LRRIQ3: variants seen among roughly 807,000 people sequenced by gnomAD.
The protein encoded by LRRIQ3 is leucine-rich repeat and IQ domain-containing protein 3.
LRRIQ3 carries 75 observed loss-of-function variants against 59.3 expected under a neutral mutation model. The ratio of observed to expected loss-of-function variants is 1.26; its 90% CI spans 1.05 to 1.53. The LOEUF (loss-of-function observed/expected upper bound fraction) is 1.53. LRRIQ3 is among the 40% of genes most tolerant of loss of function. LRRIQ3 has a pLI of 0.00. For synonymous variants in LRRIQ3, 250 were observed against 231.3 expected, an observed-to-expected ratio of 1.08 and a Z score of -0.73; for missense variants, 831 against 710.0, an observed-to-expected ratio of 1.17 and a Z score of -1.94.
intron 4 of LRRIQ3, among the ~76,000 whole-genome samples, chr1:74,111,319 G>GTC (rs1339752399): frequency 6.6e-6 from 1 of 151,898 alleles, no homozygotes; most frequent in Non-Finnish European, 1.5e-5. Context: ...ACATAGTCTG[G>GTC]TCTGGGATAA....
chr1:74,027,409 A>G (rs1330492634), intron 7 of LRRIQ3, among the ~76,000 whole-genome samples: 1 of 152,096 alleles, frequency 6.6e-6, no homozygotes, highest in Non-Finnish European at 1.5e-5. Flanking sequence ...ATGACATTAT[A>G]TGGGTAGGTC....
intron 1 of LRRIQ3, 125 bp from the exon 2 acceptor site, chr1:74,183,809 A>C: frequency 1.3e-6 from 1 of 743,664 alleles, no homozygotes; most frequent in Middle Eastern, 3.7e-4. Context: ...ATTTAAAAAA[A>C]CTCATTCTTA....
chr1:74,114,776 T>C (rs1042315001), intron 4 of LRRIQ3, among the ~76,000 whole-genome samples: 3 of 148,104 alleles, frequency 2.0e-5, no homozygotes, highest in Admixed American at 6.7e-5. Flanking sequence ...ACTAAAAACA[T>C]ACAATTAAAA....
chr1:74,193,468 C>T (rs992519297), intron 1 of LRRIQ3, among the ~76,000 whole-genome samples: 1 of 151,988 alleles, frequency 6.6e-6, no homozygotes, highest in Non-Finnish European at 1.5e-5. Flanking sequence ...ATCTTCACAC[C>T]CAACTTTGAT....
intron 4 of LRRIQ3, among the ~76,000 whole-genome samples, chr1:74,121,066 A>T (rs916275340): frequency 1.3e-5 from 2 of 152,282 alleles, no homozygotes; most frequent in Middle Eastern, 3.4e-3. Flanking sequence ...TATTTAAAAA[A>T]CTTTTCCTAT....
intron 4 of LRRIQ3, among the ~76,000 whole-genome samples, chr1:74,112,424 G>T (rs981818891): frequency 2.0e-5 from 3 of 152,076 alleles, no homozygotes; most frequent in Non-Finnish European, 2.9e-5. Flanking sequence ...GTTTTCCAGA[G>T]AAAAACAGGA....
At chr1:74,197,350 T>A (rs1651250740) in intron 1 of LRRIQ3, among the ~76,000 whole-genome samples, 1 of 152,180 alleles carries the variant, frequency 6.6e-6, no homozygotes, top group Non-Finnish European at 1.5e-5. Flanking sequence ...ATTTCTTAAA[T>A]CTTTTATTAC....
chr1:74,150,030 G>C (rs1004260547), intron 4 of LRRIQ3, among the ~76,000 whole-genome samples: 8 of 152,220 alleles, frequency 5.3e-5, no homozygotes, highest in African/African-American at 1.9e-4. Flanking sequence ...TGTAGGAAAA[G>C]AGAAATGCAG....
At chr1:74,098,974 C>T (rs920318981) in intron 5 of LRRIQ3, among the ~76,000 whole-genome samples, 7 of 152,004 alleles carry the variant, frequency 4.6e-5, no homozygotes, top group East Asian at 1.9e-4. Context: ...AATTGACACC[C>T]GAACATCACA....
At chr1:74,185,652 T>C (rs898513316) in intron 1 of LRRIQ3, among the ~76,000 whole-genome samples, 9 of 152,150 alleles carry the variant, frequency 5.9e-5, no homozygotes, top group African/African-American at 2.2e-4. Context: ...GCATAAAAAG[T>C]CCTTGAAAGG....
rs77668274 is a variant in LRRIQ3 at position 74,150,664 on chromosome 1, T to A, written c.707+5069A>T. On this transcript the variant is annotated intron_variant, in intron 4 of 7. Coordinates refer to ENST00000354431, the MANE Select transcript of LRRIQ3 (RefSeq NM_001105659.2). ...TTAACATTACCTGCAAAAAGAAATT[T>A]GCAACCATACAATCAGACAATCAGA... 1.9e-3 allele frequency among the ~76,000 whole-genome samples: 287 copies of A among 152,264 alleles called. 6 individuals are homozygous for A. The East Asian group carries it at 0.04, about 21-fold the overall frequency.
Position 74,182,652 on chromosome 1 carries a change from C to G in LRRIQ3, c.459G>C (p.Ala153=). 1 of 1,611,364 alleles carries G rather than the reference C, an allele frequency of 6.2e-7. No homozygotes were observed. The highest frequency in any genetic ancestry group is 2.2e-5 in the East Asian group (1 of 44,716). The part of the protein sequence containing the change: ...VLVNSIWPLK[A]LDHHVISDEE... ...CATCAGAAATCACATGATGATCCAG[C>G]GCTTTGAGAGGCCATATACTGTTAA... The change falls in exon 3 of 8, where the codon GCG becomes GCC. Residue 153 remains alanine (A), a synonymous_variant. Transcript: ENST00000354431.
intron 4 of LRRIQ3, among the ~76,000 whole-genome samples, chr1:74,125,027 T>A (rs901524078): frequency 1.3e-5 from 2 of 151,994 alleles, no homozygotes; most frequent in Non-Finnish European, 1.5e-5. Flanking sequence ...TCCTCTTCAA[T>A]TTCTTTCATC....
At chr1:74,101,133 A>G (rs1341722482) in intron 5 of LRRIQ3, among the ~76,000 whole-genome samples, 1 of 152,012 alleles carries the variant, frequency 6.6e-6, no homozygotes, top group Non-Finnish European at 1.5e-5. Context: ...TCTACAGAAC[A>G]GGAGAACATT....
intron 4 of LRRIQ3, among the ~76,000 whole-genome samples, chr1:74,152,008 GAAGA>G (rs1648019555): frequency 6.6e-6 from 1 of 151,940 alleles, no homozygotes; most frequent in African/African-American, 2.4e-5. Context: ...ATTATAATAA[GAAGA>G]AAGTAAAGAG....
At chr1:74,131,188 C>A (rs1009604416) in intron 4 of LRRIQ3, among the ~76,000 whole-genome samples, 1 of 152,018 alleles carries the variant, frequency 6.6e-6, no homozygotes, top group Non-Finnish European at 1.5e-5. Flanking sequence ...GAAGCTGAAT[C>A]CCTGAATAGA....
rs765391855 is a variant in LRRIQ3 at position 74,041,916 on chromosome 1, C to T, written c.1015G>A (p.Glu339Lys). The T allele has an allele frequency of 1.4e-5, 22 of 1,603,482 alleles. No individual in the cohort carries two copies. The highest frequency in any genetic ancestry group is 1.9e-5 in the Non-Finnish European group (22 of 1,174,928). Residue 339 changes from glutamate (E) to lysine (K), a missense_variant, in exon 7 of 8, where the codon GAA (glutamate) becomes AAA (lysine). Coordinates refer to ENST00000354431, the MANE Select transcript of LRRIQ3 (RefSeq NM_001105659.2). ...LIQKGQESED[E>K]IVDEKLDTSF... is the part of the protein sequence containing the mutation. ...GTATCCAATTTTTCATCCACAATTT[C>T]ATCTTCAGACTCCTGACCTACATCA...
intron 5 of LRRIQ3, among the ~76,000 whole-genome samples, chr1:74,080,079 A>C (rs1180013819): frequency 6.6e-6 from 1 of 151,784 alleles, no homozygotes; most frequent in Non-Finnish European, 1.5e-5. Context: ...CACACACACA[A>C]AAAGCATAAA....
chr1:74,135,381 T>C (rs1304671657), intron 4 of LRRIQ3, among the ~76,000 whole-genome samples: 1 of 151,904 alleles, frequency 6.6e-6, no homozygotes, highest in Non-Finnish European at 1.5e-5. Context: ...TAGCAAATTA[T>C]AGGAACTCTA....
Sources: gnomAD v4.1 joint callset for allele counts (sites outside exome capture counted in the v4.1 genomes callset) on GRCh38, gnomAD v4.1.1 for gene constraint, MANE v1.5 for transcripts, NCBI Gene and HGNC (gene_info 2026-07-23, HGNC 2026-07-21) for gene names.